The following PHGDH variants were observed in gnomAD, a reference collection of about 807,000 sequenced individuals.
PHGDH encodes D-3-phosphoglycerate dehydrogenase.
In PHGDH, 50 loss-of-function variants were observed where a neutral mutation model predicts 52.6. The observed-to-expected ratio is 0.95, with a 90% CI of 0.76 to 1.20. The LOEUF is 1.20. Among genes scored for constraint, PHGDH ranks in the 50% most tolerant of loss-of-function variants. The pLI is 0.00. For synonymous variants in PHGDH, 271 were observed against 280.5 expected, an observed-to-expected ratio of 0.97 and a Z score of 0.34; for missense variants, 630 against 684.6, an observed-to-expected ratio of 0.92 and a Z score of 0.89.
chr1:119,740,832 G>C (rs773079071), intron 9 of PHGDH, among the ~76,000 whole-genome samples: 1 of 152,180 alleles, frequency 6.6e-6, no homozygotes, highest in Non-Finnish European at 1.5e-5. Context: ...AGGATGGCTG[G>C]AGGGAGGCCC....
chr1:119,724,659 ATTT>A (rs34327221), intron 3 of PHGDH: 202 of 349,026 alleles, frequency 5.8e-4, no homozygotes, highest in Middle Eastern at 1.0e-3. Flanking sequence ...ACCTTCAGGG[ATTT>A]TTTTTTTTTT....
At chr1:119,734,215 G>T (rs1651830964) in intron 5 of PHGDH, 3 of 320,628 alleles carry the variant, frequency 9.4e-6, no homozygotes, top group Non-Finnish European at 1.8e-5. Context: ...CCCTCCCTCA[G>T]GACTCCCTGC....
chr1:119,735,932 C>T (rs1323226404), intron 7 of PHGDH, among the ~76,000 whole-genome samples: 1 of 152,164 alleles, frequency 6.6e-6, no homozygotes, highest in Non-Finnish European at 1.5e-5. Context: ...TCAGGGTCCT[C>T]GGGGTGGGCT....
chr1:119,738,794 G>A (rs1468005911), intron 8 of PHGDH, among the ~76,000 whole-genome samples: 2 of 151,966 alleles, frequency 1.3e-5, no homozygotes, highest in South Asian at 2.1e-4. Context: ...GGAGGGAGGG[G>A]GACCTTGCAG....
intron 3 of PHGDH, among the ~76,000 whole-genome samples, chr1:119,725,123 G>A (rs771196928): frequency 1.6e-4 from 25 of 152,158 alleles, no homozygotes; most frequent in African/African-American, 4.6e-4. Context: ...ATCAACAAAT[G>A]TAGGTTTCAC....
intron 1 of PHGDH, among the ~76,000 whole-genome samples, chr1:119,713,625 G>A (rs1186991960): frequency 1.3e-5 from 2 of 152,178 alleles, no homozygotes; most frequent in African/African-American, 4.8e-5. Context: ...GTGGGCAAGG[G>A]CTTAGGACTT....
intron 2 of PHGDH, among the ~76,000 whole-genome samples, chr1:119,722,390 G>A (rs587675283): frequency 9.9e-5 from 15 of 152,248 alleles, no homozygotes; most frequent in African/African-American, 2.6e-4. Context: ...GGGTGAACAC[G>A]TATATGAAAT....
intron 5 of PHGDH, 66 bp downstream of exon 5, chr1:119,727,168 C>A (rs1570999152): frequency 1.0e-6 from 1 of 964,382 alleles, no homozygotes; most frequent in Non-Finnish European, 1.7e-6. Context: ...GGCAGCATGT[C>A]TGGGCAGAAG....
At chr1:119,727,355 G>A (rs923871150) in intron 5 of PHGDH, 3 of 544,122 alleles carry the variant, frequency 5.5e-6, no homozygotes, top group African/African-American at 1.9e-5. Flanking sequence ...CAGTGAACCA[G>A]GTGTTGATGG....
intron 1 of PHGDH, chr1:119,712,780 C>G (rs1650756483): frequency 6.0e-6 from 1 of 167,918 alleles, no homozygotes; most frequent in Non-Finnish European, 1.3e-5. Context: ...GCAGCAAACA[C>G]GTACCCGCCC....
At chr1:119,724,936 A>G in intron 3 of PHGDH, 2 of 455,482 alleles carry the variant, frequency 4.4e-6, no homozygotes, top group Non-Finnish European at 8.8e-6. Context: ...GTTTCATCAG[A>G]CTGTTCCTAG....
intron 8 of PHGDH, 95 bp downstream of exon 8, chr1:119,737,361 A>G: frequency 9.1e-7 from 1 of 1,099,284 alleles, no homozygotes; most frequent in East Asian, 2.5e-5. Flanking sequence ...GGGTGAATAG[A>G]TTCAGCCCTG....
At position 119,744,104 on chromosome 1, in the gene PHGDH, T is replaced by C. The variant is rs915656469; in HGVS notation, c.*64T>C. ...GAAGAAACCCACCCACTGTGATCAA[T>C]AGGGAGAGAAAATCCACATTCTTGG... is the stretch of plus-strand genomic sequence containing the variant. On this transcript the variant is annotated 3_prime_UTR_variant, in exon 12 of 12. Transcript: ENST00000641023. The C allele has an allele frequency of 4.1e-5, 61 of 1,474,612 alleles. 1 individual carries two copies. Among genetic ancestry groups the C allele is most frequent in the Admixed American group, 1.2e-4 (7 of 59,842 alleles). The allele number at this position is 1,474,612 out of a possible 1,614,324, so 91.3% of individuals were successfully genotyped here.
At chr1:119,727,758 C>G (rs1023477327) in intron 5 of PHGDH, 9 of 153,322 alleles carry the variant, frequency 5.9e-5, no homozygotes, top group Non-Finnish European at 1.5e-5. Flanking sequence ...GGCGTGAACC[C>G]GGGAGGCGGA....
intron 5 of PHGDH, chr1:119,729,579 GCGACTTCAAC>G (rs1433424386): frequency 6.6e-6 from 1 of 152,180 alleles, no homozygotes; most frequent in East Asian, 1.9e-4. Context: ...GACTTCGGCA[GCGACTTCAAC>G]CAGATGAAAA....
At chr1:119,736,545 T>C (rs776908853) in intron 7 of PHGDH, among the ~76,000 whole-genome samples, 3 of 152,076 alleles carry the variant, frequency 2.0e-5, no homozygotes, top group Non-Finnish European at 4.4e-5. Flanking sequence ...GAAAAGACAC[T>C]GGAGGGTGGG....
rs1400397652 is a variant in PHGDH at position 119,744,194 on chromosome 1, C to CT, written c.*155dup. 2 of 735,372 alleles carry CT rather than the reference C, an allele frequency of 2.7e-6. No homozygotes were observed. The highest frequency in any genetic ancestry group is 4.8e-6 in the Non-Finnish European group (2 of 413,030). 45.6% of individuals were successfully genotyped at this position (735,372 alleles called of 1,614,324 possible). On this transcript the variant is annotated 3_prime_UTR_variant, in exon 12 of 12. Coordinates refer to ENST00000641023, the MANE Select transcript of PHGDH (RefSeq NM_006623.4). ...GACCCTGTAGTACAGCAATAACCGT[C>CT]TAATAAAGAGCCTACCCCCAACTCC...
At chr1:119,734,081 C>T (rs1209071881) in intron 5 of PHGDH, among the ~76,000 whole-genome samples, 1 of 152,140 alleles carries the variant, frequency 6.6e-6, no homozygotes, top group Admixed American at 6.5e-5. Context: ...TTGTCCTCCT[C>T]CTTCGCTTCT....
chr1:119,722,605 C>T (rs897681905), intron 2 of PHGDH, among the ~76,000 whole-genome samples: 2 of 151,534 alleles, frequency 1.3e-5, no homozygotes, highest in Non-Finnish European at 2.9e-5. Context: ...GTTGGGGCTG[C>T]GTGTGGGGGC....
Sources: allele counts gnomAD v4.1 joint callset (sites outside exome capture counted in the v4.1 genomes callset), GRCh38; gene constraint gnomAD v4.1.1; transcripts MANE v1.5; gene names NCBI Gene and HGNC (gene_info 2026-07-23, HGNC 2026-07-21).